The following CLVS1 variants were observed in gnomAD, a reference collection of about 807,000 sequenced individuals.
The protein encoded by CLVS1 is clavesin 1.
In CLVS1, 10 loss-of-function variants were observed where a neutral mutation model predicts 33.1. The ratio of observed to expected loss-of-function variants is 0.30; its 90% CI spans 0.19 to 0.51. CLVS1 has a LOEUF of 0.51. Among genes scored for constraint, CLVS1 ranks in the 20% least tolerant of loss-of-function variants. The pLI is 0.97. For synonymous variants in CLVS1, 163 were observed against 166.1 expected (o/e 0.98, Z 0.14); for missense variants, 343 against 433.4 (o/e 0.79, Z 1.85).
intron 2 of CLVS1, among the ~76,000 whole-genome samples, chr8:61,281,848 C>T (rs185777381): frequency 1.1e-4 from 17 of 152,332 alleles, no homozygotes; most frequent in South Asian, 6.2e-4. Context: ...ATATACTACT[C>T]CTATATCTCA....
chr8:61,454,465 G>A (rs926221981), intron 4 of CLVS1, among the ~76,000 whole-genome samples: 1 of 152,040 alleles, frequency 6.6e-6, no homozygotes, highest in South Asian at 2.1e-4. Context: ...GTTATTTTCG[G>A]AGTCCCAGTG....
At chr8:61,254,634 C>A (rs947016739) in intron 2 of CLVS1, among the ~76,000 whole-genome samples, 7 of 151,962 alleles carry the variant, frequency 4.6e-5, no homozygotes, top group Non-Finnish European at 1.0e-4. Flanking sequence ...CACCCCTCCC[C>A]CAGCCTCACT....
chr8:61,196,414 T>C (rs962703160), intron 2 of CLVS1, among the ~76,000 whole-genome samples: 2 of 152,198 alleles, frequency 1.3e-5, no homozygotes, highest in Non-Finnish European at 2.9e-5. Context: ...TCTAGAAGCC[T>C]ATAGAGCTGA....
chr8:61,269,431 A>T (rs1330055235), intron 2 of CLVS1, among the ~76,000 whole-genome samples: 1 of 151,880 alleles, frequency 6.6e-6, no homozygotes, highest in South Asian at 2.1e-4. Context: ...CTTGTAGTAT[A>T]GTTTGAAGTC....
chr8:61,282,979 A>T (rs1343476137), upstream of CLVS1, among the ~76,000 whole-genome samples: 1 of 152,188 alleles, frequency 6.6e-6, no homozygotes. Flanking sequence ...TCAAAATGTC[A>T]AGTGCCTTCC....
chr8:61,393,010 A>T (rs985149718), intron 3 of CLVS1, among the ~76,000 whole-genome samples: 1 of 151,754 alleles, frequency 6.6e-6, no homozygotes, highest in Non-Finnish European at 1.5e-5. Flanking sequence ...CAGCCTCCTG[A>T]GTAGCTGGGA....
chr8:61,402,605 G>C (rs767232863), intron 3 of CLVS1, among the ~76,000 whole-genome samples: 10 of 152,148 alleles, frequency 6.6e-5, no homozygotes, highest in Non-Finnish European at 1.2e-4. Flanking sequence ...ATAGACAGTA[G>C]TTCAGTGGAT....
At chr8:61,308,886 A>T (rs1810732434) in intron 2 of CLVS1, among the ~76,000 whole-genome samples, 1 of 152,196 alleles carries the variant, frequency 6.6e-6, no homozygotes. Flanking sequence ...ACTAAGTCCT[A>T]CTTATGATCT....
Position 61,149,562 on chromosome 8 carries a change from A to C in CLVS1, c.-152+17702A>C, listed in dbSNP as rs534980725. On this transcript the variant is annotated intron_variant, in intron 2 of 2. Coordinates refer to the CLVS1 transcript ENST00000522621. ...ACGAGACTCTGTCTCAAAAAAAAAA[A>C]AAAAAACAAAAAACAAAACAAAAAG... Among the ~76,000 whole-genome samples the C allele has an allele frequency of 3.1e-4, 47 of 149,918 alleles. 1 individual carries two copies. Among genetic ancestry groups the C allele is most frequent in the African/African-American group, 7.6e-4 (31 of 40,756 alleles).
intron 1 of CLVS1, 157 bp downstream of exon 1, chr8:61,288,295 G>A (rs1392718166): frequency 4.4e-6 from 2 of 455,190 alleles, no homozygotes; most frequent in African/African-American, 2.0e-5. Flanking sequence ...ACCGCACCCC[G>A]CTCCCCGCCG....
At chr8:61,108,866 C>A (rs910829915) in intron 1 of CLVS1, among the ~76,000 whole-genome samples, 1 of 152,230 alleles carries the variant, frequency 6.6e-6, no homozygotes, top group Non-Finnish European at 1.5e-5. Flanking sequence ...CAGTTCAGCC[C>A]TCATGTTTAA....
chr8:61,393,586 C>T (rs10098539), intron 3 of CLVS1, among the ~76,000 whole-genome samples: 85,890 of 152,016 alleles, frequency 0.57, 28,465 homozygotes, highest in Non-Finnish European at 0.73. Flanking sequence ...TTCTTTTTTT[C>T]CCATGGGGTG....
chr8:61,176,791 G>A (rs1321782280), intron 2 of CLVS1, among the ~76,000 whole-genome samples: 1 of 152,176 alleles, frequency 6.6e-6, no homozygotes, highest in African/African-American at 2.4e-5. Context: ...TACCCAGCCT[G>A]GGAAACCGTG....
At chr8:61,012,273 C>T in the CLVS1 span, among the ~76,000 whole-genome samples, 1 of 152,212 alleles carries the variant, frequency 6.6e-6, no homozygotes, top group Non-Finnish European at 1.5e-5. Context: ...CCACACTGCC[C>T]ACCTTCTCGC....
chr8:61,339,830 G>A (rs1034974816), intron 2 of CLVS1, among the ~76,000 whole-genome samples: 47 of 145,144 alleles, frequency 3.2e-4, no homozygotes, highest in African/African-American at 1.0e-3. Flanking sequence ...AAGAAAGAGC[G>A]AGAAAGGAAG....
At chr8:61,451,236 G>A (rs1816940831) in intron 3 of CLVS1, among the ~76,000 whole-genome samples, 1 of 151,890 alleles carries the variant, frequency 6.6e-6, no homozygotes, top group African/African-American at 2.4e-5. Context: ...AAAATAGTAA[G>A]AGTGTGTCTT....
intron 1 of CLVS1, among the ~76,000 whole-genome samples, chr8:61,297,523 T>C (rs796777991): frequency 1.4e-4 from 22 of 152,286 alleles, no homozygotes; most frequent in African/African-American, 5.3e-4. Flanking sequence ...TGTCATTCAC[T>C]AAAAGACAAA....
chr8:61,088,792 C>T (rs1396210528), intron 1 of CLVS1, among the ~76,000 whole-genome samples: 48 of 149,136 alleles, frequency 3.2e-4, no homozygotes, highest in Non-Finnish European at 6.4e-4. Context: ...TTTTTTTTTT[C>T]TTTTCTTTTC....
intron 2 of CLVS1, among the ~76,000 whole-genome samples, chr8:61,242,889 C>T (rs1476552716): frequency 6.6e-6 from 1 of 151,170 alleles, no homozygotes; most frequent in East Asian, 1.9e-4. Flanking sequence ...TTAAAATTGA[C>T]CTCTTTGAGC....
Sources: gnomAD v4.1 joint callset for allele counts (sites outside exome capture counted in the v4.1 genomes callset) on GRCh38, gnomAD v4.1.1 for gene constraint, MANE v1.5 for transcripts, NCBI Gene and HGNC (gene_info 2026-07-23, HGNC 2026-07-21) for gene names.